Variants in CSGALNACT1 observed in about 807,000 individuals in gnomAD.
CSGALNACT1 encodes beta4GalNAcT-1.
A neutral mutation model predicts 51.0 loss-of-function variants in CSGALNACT1; 52 were observed. That is an observed-to-expected ratio of 1.02 (90% CI 0.82 to 1.29). The LOEUF (loss-of-function observed/expected upper bound fraction) is 1.29. Ranked by LOEUF, CSGALNACT1 falls within the 50% of genes most tolerant of loss-of-function variation. CSGALNACT1 has a pLI of 0.00. For synonymous variants in CSGALNACT1, 341 were observed against 254.4 expected, an observed-to-expected ratio of 1.34 and a Z score of -3.24; for missense variants, 935 against 679.2, an observed-to-expected ratio of 1.38 and a Z score of -4.19.
chr8:19,507,819 G>T (rs970312141), intron 3 of CSGALNACT1, among the ~76,000 whole-genome samples: 1 of 152,152 alleles, frequency 6.6e-6, no homozygotes, highest in Non-Finnish European at 1.5e-5. Flanking sequence ...AGTAGAGACG[G>T]GGTTTCACCA....
chr8:19,600,496 A>C (rs2050172497), intron 2 of CSGALNACT1, among the ~76,000 whole-genome samples: 1 of 152,170 alleles, frequency 6.6e-6, no homozygotes, highest in Non-Finnish European at 1.5e-5. Context: ...TCATCCAAGT[A>C]ATTCTCAAAA....
chr8:19,734,741 T>G (rs529208973), intron 1 of CSGALNACT1, among the ~76,000 whole-genome samples: 1 of 152,124 alleles, frequency 6.6e-6, no homozygotes, highest in Admixed American at 6.6e-5. Flanking sequence ...GCCAGTAATA[T>G]GGCAGACCGG....
chr8:19,728,981 T>C (rs1333423874), intron 1 of CSGALNACT1, among the ~76,000 whole-genome samples: 4 of 152,152 alleles, frequency 2.6e-5, no homozygotes, highest in Non-Finnish European at 5.9e-5. Context: ...GGGAAAATTT[T>C]CAAAGGTTCC....
intron 1 of CSGALNACT1, among the ~76,000 whole-genome samples, chr8:19,699,709 C>T (rs1564444315): frequency 1.3e-5 from 2 of 152,192 alleles, no homozygotes; most frequent in Non-Finnish European, 2.9e-5. Flanking sequence ...AAATGGATGG[C>T]AGTGATGGTT....
At chr8:19,575,141 G>T (rs567818788) in intron 3 of CSGALNACT1, among the ~76,000 whole-genome samples, 1 of 152,218 alleles carries the variant, frequency 6.6e-6, no homozygotes, top group South Asian at 2.1e-4. Flanking sequence ...TATTGAATTT[G>T]GATCTCTAGT....
Position 19,439,073 on chromosome 8 carries a change from C to A in CSGALNACT1, c.953+757G>T, listed in dbSNP as rs2060869537. 2.0e-5 allele frequency among the ~76,000 whole-genome samples: 3 copies of A among 152,326 alleles called. No individual in the cohort carries two copies. The South Asian group carries it at 6.2e-4, about 32-fold the overall frequency. Reference sequence around the variant, plus strand: ...CCTGATTACTCAAATTGCCCCCCTGCAAACCTCCAGGGCAAACTACAGGCC... The same window carrying A: ...CCTGATTACTCAAATTGCCCCCCTGAAAACCTCCAGGGCAAACTACAGGCC... On this transcript the variant is annotated intron_variant, in intron 6 of 9. Coordinates refer to ENST00000454498, the Ensembl canonical transcript of CSGALNACT1.
At chr8:19,581,599 CTG>C (rs2045585629) in intron 3 of CSGALNACT1, among the ~76,000 whole-genome samples, 1 of 151,564 alleles carries the variant, frequency 6.6e-6, no homozygotes, top group African/African-American at 2.4e-5. Context: ...GAGTGAGACT[CTG>C]TCTAAAAACA....
chr8:19,619,016 T>C (rs1194061704), intron 1 of CSGALNACT1, among the ~76,000 whole-genome samples: 1 of 152,108 alleles, frequency 6.6e-6, no homozygotes, highest in East Asian at 1.9e-4. Context: ...TCAGGCTCTA[T>C]GATGGGGCTA....
chr8:19,717,819 C>G (rs920900264), intron 1 of CSGALNACT1, among the ~76,000 whole-genome samples: 1 of 152,122 alleles, frequency 6.6e-6, no homozygotes, highest in Non-Finnish European at 1.5e-5. Flanking sequence ...TGGCTAGGCT[C>G]AGGCACTGTA....
intron 3 of CSGALNACT1, among the ~76,000 whole-genome samples, chr8:19,527,095 G>C (rs2081876975): frequency 6.6e-6 from 1 of 152,178 alleles, no homozygotes; most frequent in African/African-American, 2.4e-5. Flanking sequence ...AAGTAAGACA[G>C]CATTCTTGAC....
chr8:19,712,382 G>A (rs1408830105), intron 1 of CSGALNACT1, among the ~76,000 whole-genome samples: 1 of 152,110 alleles, frequency 6.6e-6, no homozygotes, highest in East Asian at 1.9e-4. Context: ...AAGCTTCACA[G>A]GAACAGTTGG....
chr8:19,501,631 T>C (rs1222035523), intron 4 of CSGALNACT1, among the ~76,000 whole-genome samples: 3 of 152,124 alleles, frequency 2.0e-5, no homozygotes, highest in African/African-American at 7.2e-5. Context: ...ATGCCTCACA[T>C]AGGGGTCACA....
intron 4 of CSGALNACT1, among the ~76,000 whole-genome samples, chr8:19,497,703 A>T (rs1309419273): frequency 6.6e-6 from 1 of 152,196 alleles, no homozygotes; most frequent in Non-Finnish European, 1.5e-5. Context: ...TGTGAAAGGA[A>T]AATAAATCCT....
At chr8:19,693,853 G>A (rs148385380) in intron 1 of CSGALNACT1, among the ~76,000 whole-genome samples, 7 of 152,006 alleles carry the variant, frequency 4.6e-5, no homozygotes, top group Admixed American at 1.3e-4. Context: ...AAGTAATTAC[G>A]GTTTTTGCCA....
intron 3 of CSGALNACT1, among the ~76,000 whole-genome samples, chr8:19,523,476 T>C (rs1433680339): frequency 2.0e-5 from 3 of 151,984 alleles, no homozygotes; most frequent in Admixed American, 2.0e-4. Context: ...TGCAATGTTG[T>C]CCAGGTTGGT....
chr8:19,522,516 G>C (rs572347709), intron 3 of CSGALNACT1, among the ~76,000 whole-genome samples: 2 of 152,176 alleles, frequency 1.3e-5, no homozygotes, highest in African/African-American at 4.8e-5. Flanking sequence ...TTTAAAAGGC[G>C]ATGTATGTAA....
At chr8:19,732,859 TTATC>T (rs1258032339) in intron 1 of CSGALNACT1, among the ~76,000 whole-genome samples, 2 of 152,238 alleles carry the variant, frequency 1.3e-5, no homozygotes, top group African/African-American at 4.8e-5. Flanking sequence ...ATTTTCTAAT[TTATC>T]TATTTTGTAA....
chr8:19,468,712 G>A (rs971756711), intron 4 of CSGALNACT1, among the ~76,000 whole-genome samples: 4 of 152,144 alleles, frequency 2.6e-5, no homozygotes, highest in Non-Finnish European at 1.5e-5. Context: ...GCTGACTCGA[G>A]TTACAGGTGA....
rs576237286 is a variant in CSGALNACT1 at position 19,416,738 on chromosome 8, T to C, written c.1227+1918A>G. ...CAGCCTGTACCATACAGCCTACGTG[T>C]GTAGTTGGCTATGTTATGTAGGATT... On this transcript the variant is annotated intron_variant, in intron 8 of 9. Transcript: ENST00000454498. Among the ~76,000 whole-genome samples the C allele has an allele frequency of 1.2e-4, 18 of 152,370 alleles. 1 individual carries two copies. The East Asian group carries it at 1.9e-3, about 16-fold the overall frequency.
Sources: gnomAD v4.1 joint callset for allele counts (sites outside exome capture counted in the v4.1 genomes callset) on GRCh38, gnomAD v4.1.1 for gene constraint, MANE v1.5 for transcripts, NCBI Gene and HGNC (gene_info 2026-07-23, HGNC 2026-07-21) for gene names.